KCNT2: variants seen among roughly 807,000 people sequenced by gnomAD.
The protein encoded by KCNT2 is potassium sodium-activated channel subfamily T member 2.
Under a neutral mutation model 153.8 loss-of-function variants are expected in KCNT2, and 67 were observed. The observed-to-expected ratio is 0.44, with a 90% confidence interval of 0.36 to 0.53. The LOEUF (loss-of-function observed/expected upper bound fraction) is 0.53. Among genes scored for constraint, KCNT2 ranks in the 20% least tolerant of loss-of-function variants. The probability of loss-of-function intolerance (pLI) is 0.00; values close to 1 mark genes in which losing one functional copy is unlikely to be tolerated. For synonymous variants in KCNT2, 500 were observed against 458.8 expected, an observed-to-expected ratio of 1.09 and a Z score of -1.15; for missense variants, 975 against 1,354.8, an observed-to-expected ratio of 0.72 and a Z score of 4.40.
intron 25 of KCNT2, among the ~76,000 whole-genome samples, chr1:196,276,843 T>C (rs533770775): frequency 1.3e-5 from 2 of 152,230 alleles, no homozygotes; most frequent in East Asian, 3.9e-4. Flanking sequence ...AAAACCCCAA[T>C]AGTACCTTGT....
At chr1:196,548,881 C>T (rs1219247803) in intron 1 of KCNT2, among the ~76,000 whole-genome samples, 1 of 151,964 alleles carries the variant, frequency 6.6e-6, no homozygotes, top group Admixed American at 6.6e-5. Flanking sequence ...TGGAAATCAT[C>T]ATTTTCAGTA....
intron 12 of KCNT2, among the ~76,000 whole-genome samples, chr1:196,415,626 C>G (rs190901020): frequency 7.7e-4 from 117 of 151,884 alleles, no homozygotes; most frequent in Admixed American, 1.8e-3. Context: ...ATAACCAAGT[C>G]CCTCAAAGTT....
intron 12 of KCNT2, among the ~76,000 whole-genome samples, chr1:196,418,228 C>T (rs60257958): frequency 0.055 from 8,299 of 152,054 alleles, 405 homozygotes; most frequent in African/African-American, 0.13. Flanking sequence ...GTAATCCCAG[C>T]GCTTTGGGAG....
chr1:196,227,677 A>C lies in KCNT2; in HGVS notation c.*547T>G, dbSNP rs1403846958. 6.6e-6 allele frequency: 1 copy of C among 152,548 alleles called. No homozygotes were observed. 9.4% of individuals were successfully genotyped at this position (152,548 alleles called of 1,614,324 possible). ...ATCGTAAGGCAGAAAAAAAAGTTAA[A>C]ATGACTTAAAGATTTGTATTCTAAA... On this transcript the variant is annotated 3_prime_UTR_variant, in exon 28 of 28. Transcript: ENST00000294725.
chr1:196,536,415 T>A (rs1240633654), intron 1 of KCNT2, among the ~76,000 whole-genome samples: 1 of 152,224 alleles, frequency 6.6e-6, no homozygotes, highest in Non-Finnish European at 1.5e-5. Flanking sequence ...TGCTTTGAGT[T>A]CAGCCCATTG....
At chr1:196,419,272 C>T (rs1370946137) in intron 12 of KCNT2, among the ~76,000 whole-genome samples, 1 of 147,590 alleles carries the variant, frequency 6.8e-6, no homozygotes, top group Non-Finnish European at 1.5e-5. Flanking sequence ...GTGTGCTGCA[C>T]CCATTAACTC....
At chr1:196,258,709 A>G (rs998872196) in intron 25 of KCNT2, 2 of 593,330 alleles carry the variant, frequency 3.4e-6, no homozygotes, top group Admixed American at 2.8e-5. Context: ...CAAAATAAAT[A>G]CCTGTATCCT....
At chr1:196,248,879 T>C (rs1655687376) in intron 26 of KCNT2, among the ~76,000 whole-genome samples, 1 of 152,096 alleles carries the variant, frequency 6.6e-6, no homozygotes, top group African/African-American at 2.4e-5. Flanking sequence ...CAGGCCAATA[T>C]CTCTGATGAA....
At chr1:196,355,213 T>G (rs1392232785) in intron 14 of KCNT2, among the ~76,000 whole-genome samples, 1 of 149,982 alleles carries the variant, frequency 6.7e-6, no homozygotes, top group East Asian at 2.0e-4. Flanking sequence ...CAGATAGAAG[T>G]AATAAAAAAA....
chr1:196,379,565 TTC>T (rs67709356), intron 13 of KCNT2, among the ~76,000 whole-genome samples: 3,517 of 136,158 alleles, frequency 0.026, 45 homozygotes, highest in East Asian at 0.071. Flanking sequence ...CAGTGAGACT[TTC>T]TCTCTCTCTC....
At chr1:196,288,825 A>G (rs918869836) in intron 22 of KCNT2, among the ~76,000 whole-genome samples, 2 of 152,056 alleles carry the variant, frequency 1.3e-5, no homozygotes, top group African/African-American at 2.4e-5. Context: ...GCCAGTGGAC[A>G]GGTCCACCTG....
At chr1:196,295,522 C>T (rs888887912) in intron 22 of KCNT2, among the ~76,000 whole-genome samples, 6 of 150,732 alleles carry the variant, frequency 4.0e-5, no homozygotes, top group Non-Finnish European at 1.5e-5. Flanking sequence ...ATGGAGAATT[C>T]GAACCACTCA....
chr1:196,351,499 T>C lies in KCNT2; in HGVS notation c.1404-9271A>G, dbSNP rs548456696. 5.5e-4 allele frequency among the ~76,000 whole-genome samples: 83 copies of C among 152,172 alleles called. 1 individual carries two copies. Among genetic ancestry groups the C allele is most frequent in the African/African-American group, 1.9e-3 (79 of 41,528 alleles). On this transcript the variant is annotated intron_variant, in intron 14 of 27. Transcript: ENST00000294725. Reference sequence around the variant, plus strand: ...TGGGAGTTCACTCATGATTTGGCTCTCTGTTTGTCTGTTATTGGTGTATAA... The same window carrying C: ...TGGGAGTTCACTCATGATTTGGCTCCCTGTTTGTCTGTTATTGGTGTATAA...
At chr1:196,247,915 C>A (rs182931311) in intron 26 of KCNT2, among the ~76,000 whole-genome samples, 90 of 152,192 alleles carry the variant, frequency 5.9e-4, no homozygotes, top group Admixed American at 2.6e-3. Flanking sequence ...AACAAGACTT[C>A]ATAATTTATT....
intron 12 of KCNT2, among the ~76,000 whole-genome samples, chr1:196,409,990 G>A (rs1342417158): frequency 6.6e-6 from 1 of 151,500 alleles, no homozygotes; most frequent in Non-Finnish European, 1.5e-5. Flanking sequence ...ACAATCCTAA[G>A]AGATATAAGG....
chr1:196,422,018 T>A (rs917618764), intron 12 of KCNT2, among the ~76,000 whole-genome samples: 4 of 152,078 alleles, frequency 2.6e-5, no homozygotes, highest in Non-Finnish European at 5.9e-5. Context: ...CAACACCTTA[T>A]CACCACATAA....
chr1:196,456,702 T>G (rs74996267), intron 8 of KCNT2, among the ~76,000 whole-genome samples: 3,311 of 152,082 alleles, frequency 0.022, 116 homozygotes, highest in African/African-American at 0.073. Flanking sequence ...GTGTTATACA[T>G]GATTTTCCCA....
intron 13 of KCNT2, among the ~76,000 whole-genome samples, chr1:196,380,129 G>T (rs755500358): frequency 6.6e-6 from 1 of 152,180 alleles, no homozygotes; most frequent in East Asian, 1.9e-4. Context: ...GTGTATGCCT[G>T]TATGTGTGTC....
chr1:196,285,666 C>G lies in KCNT2; in HGVS notation c.2688G>C (p.Leu896=). 1 of 1,600,930 alleles carries G rather than the reference C, an allele frequency of 6.2e-7. No homozygotes were observed. Among genetic ancestry groups the G allele is most frequent in the South Asian group, 1.1e-5 (1 of 90,676 alleles). The change falls in exon 23 of 28, where the codon CTG becomes CTC. Residue 896 remains leucine (L), a synonymous_variant. Transcript: ENST00000294725. ...RVFSISMLDT[L]LYQSFVKDYM... ...AAGAAATATTGTATACCTGATACAGCAGAGTGTCCAACATACTGATGCTAA... is the reference window on the plus strand; with the variant it reads ...AAGAAATATTGTATACCTGATACAGGAGAGTGTCCAACATACTGATGCTAA...
Sources: gnomAD v4.1 joint callset for allele counts (sites outside exome capture counted in the v4.1 genomes callset) on GRCh38, gnomAD v4.1.1 for gene constraint, MANE v1.5 for transcripts, NCBI Gene and HGNC (gene_info 2026-07-23, HGNC 2026-07-21) for gene names.